The following SNX29 variants were observed in gnomAD, a reference collection of about 807,000 sequenced individuals.
SNX29 encodes the protein sorting nexin-29.
Under a neutral mutation model 102.1 loss-of-function variants are expected in SNX29, and 78 were observed. That is an observed-to-expected ratio of 0.76 (90% confidence interval 0.64 to 0.92). The LOEUF is 0.92. Ranked by LOEUF, SNX29 falls within the 40% of genes least tolerant of loss-of-function variation. SNX29 has a pLI of 0.00. For missense variants in SNX29, 1,280 were observed against 1,061.7 expected, an observed-to-expected ratio of 1.21 and a Z score of -2.86; for synonymous variants, 580 against 414.5, an observed-to-expected ratio of 1.40 and a Z score of -4.85.
chr16:12,464,400 G>C (rs1312653350), intron 18 of SNX29, among the ~76,000 whole-genome samples: 3 of 152,074 alleles, frequency 2.0e-5, no homozygotes, highest in African/African-American at 7.2e-5. Context: ...GGTCCACATA[G>C]CTCTTGAGGG....
chr16:12,308,902 C>T (rs994768461), intron 15 of SNX29, among the ~76,000 whole-genome samples: 1 of 152,146 alleles, frequency 6.6e-6, no homozygotes, highest in East Asian at 1.9e-4. Flanking sequence ...ACTCTTAAGC[C>T]TGTTGCATGT....
chr16:12,566,665 A>G (rs182649529), intron 20 of SNX29, among the ~76,000 whole-genome samples: 84 of 150,212 alleles, frequency 5.6e-4, no homozygotes, highest in African/African-American at 2.0e-3. Flanking sequence ...TCCTCTAAGG[A>G]GCATTCAGGG....
chr16:12,197,047 C>T (rs995187382), intron 13 of SNX29, among the ~76,000 whole-genome samples: 9 of 152,210 alleles, frequency 5.9e-5, no homozygotes, highest in African/African-American at 2.2e-4. Context: ...AGCTGAGGAT[C>T]GGCCCGACGG....
chr16:12,469,938 G>A lies in SNX29; in HGVS notation c.2038-7781G>A, dbSNP rs113704387. 8.0e-3 allele frequency among the ~76,000 whole-genome samples: 1,213 copies of A among 152,270 alleles called. 21 individuals carry two copies. Among genetic ancestry groups the A allele is most frequent in the African/African-American group, 0.027 (1,136 of 41,538 alleles). ...GGCAGGCTGAGAATCACTTGAACCC[G>A]GGAGGCGGAGGTTGCAGTGAGCTGA... On this transcript the variant is annotated intron_variant, in intron 18 of 20. Coordinates refer to ENST00000566228, the MANE Select transcript of SNX29 (RefSeq NM_032167.5).
chr16:12,195,867 G>A (rs2076759946), intron 13 of SNX29, among the ~76,000 whole-genome samples: 1 of 152,130 alleles, frequency 6.6e-6, no homozygotes, highest in African/African-American at 2.4e-5. Flanking sequence ...CACCAAGTGT[G>A]TGGCAGAGAG....
intron 14 of SNX29, among the ~76,000 whole-genome samples, chr16:12,256,821 T>C (rs2078588001): frequency 6.6e-6 from 1 of 152,200 alleles, no homozygotes; most frequent in South Asian, 2.1e-4. Context: ...CTCTGCTTAG[T>C]TCCACATGCT....
chr16:12,563,723 A>AT (rs1487575180), intron 20 of SNX29, among the ~76,000 whole-genome samples: 8 of 152,196 alleles, frequency 5.3e-5, no homozygotes, highest in Non-Finnish European at 1.0e-4. Flanking sequence ...AAAGCCAGAG[A>AT]TGGCACTGTC....
At chr16:12,060,076 A>G (rs964215431) in intron 8 of SNX29, among the ~76,000 whole-genome samples, 1 of 152,154 alleles carries the variant, frequency 6.6e-6, no homozygotes. Flanking sequence ...GGCTCTCTGC[A>G]TCCATGGACT....
intron 9 of SNX29, among the ~76,000 whole-genome samples, chr16:12,062,742 C>T (rs909572964): frequency 6.6e-6 from 1 of 152,188 alleles, no homozygotes; most frequent in Non-Finnish European, 1.5e-5. Flanking sequence ...ACTAATCACT[C>T]AGGAAGCTGT....
chr16:12,539,224 G>A (rs1014015580), intron 20 of SNX29, among the ~76,000 whole-genome samples: 3 of 152,124 alleles, frequency 2.0e-5, no homozygotes, highest in Non-Finnish European at 2.9e-5. Context: ...TCAAGATATA[G>A]ACCAGTTCCT....
In SNX29 at chr16:12,571,923, G is replaced by A. The variant is rs1383241779; in HGVS notation, c.*3294G>A. 2 of 1,062,078 alleles carry A rather than the reference G, an allele frequency of 1.9e-6. No individual in the cohort carries two copies. Among genetic ancestry groups the A allele is most frequent in the Non-Finnish European group, 2.3e-6 (2 of 877,222 alleles). The allele number at this position is 1,062,078 out of a possible 1,614,324, so 65.8% of individuals were successfully genotyped here. A position where few individuals can be genotyped will look rare whatever the true frequency, so the allele number is the denominator to read the frequency against. On this transcript the variant is annotated 3_prime_UTR_variant, in exon 21 of 21. Transcript: ENST00000566228. Reference sequence around the variant, plus strand: ...CTGCATTTCTCTACTGGCAGGCCCTGGTGAAGGAAGACACTTTCAGGGAAG... The same window carrying A: ...CTGCATTTCTCTACTGGCAGGCCCTAGTGAAGGAAGACACTTTCAGGGAAG...
At chr16:12,498,737 G>C (rs2088955559) in intron 19 of SNX29, among the ~76,000 whole-genome samples, 1 of 152,166 alleles carries the variant, frequency 6.6e-6, no homozygotes, top group Admixed American at 6.5e-5. Context: ...CTCTAAGTCA[G>C]GTCATAGGAG....
chr16:12,374,763 C>T (rs2082813080), intron 16 of SNX29: 1 of 152,166 alleles, frequency 6.6e-6, no homozygotes, highest in Non-Finnish European at 1.5e-5. Flanking sequence ...CCCAGATCAG[C>T]TGCAGGAGAA....
At chr16:12,202,489 G>T (rs2076937011) in intron 14 of SNX29, among the ~76,000 whole-genome samples, 1 of 152,172 alleles carries the variant, frequency 6.6e-6, no homozygotes, top group African/African-American at 2.4e-5. Context: ...AATTCTTCAT[G>T]CTCTTCCTCC....
chr16:12,546,139 C>G (rs563341941), intron 20 of SNX29: 3 of 152,310 alleles, frequency 2.0e-5, no homozygotes, highest in Admixed American at 2.0e-4. Flanking sequence ...CAAAACAGAG[C>G]TAATAACCTC....
At position 12,018,506 on chromosome 16, in the gene SNX29, C is replaced by T. The variant is rs372383375; in HGVS notation, c.123-8814C>T. On this transcript the variant is annotated intron_variant, in intron 3 of 20. Transcript: ENST00000566228. Reference sequence around the variant, plus strand: ...GCTGAAGCAGGAGAATCACTTGAACCTGGGAGGCGCAGGTTGCAGTGAGCC... The same window carrying T: ...GCTGAAGCAGGAGAATCACTTGAACTTGGGAGGCGCAGGTTGCAGTGAGCC... Among the ~76,000 whole-genome samples, 28 of 151,134 alleles carry T rather than the reference C, an allele frequency of 1.9e-4. No homozygotes were observed. In the East Asian group the frequency reaches 5.0e-3, roughly 27 times the overall value.
intron 20 of SNX29, chr16:12,557,617 A>T (rs1183333815): frequency 6.6e-6 from 1 of 152,186 alleles, no homozygotes; most frequent in African/African-American, 2.4e-5. Flanking sequence ...TCTCCTTGGC[A>T]TCCCAGAATG....
At chr16:12,007,885 C>G (rs1033219367) in intron 3 of SNX29, among the ~76,000 whole-genome samples, 1 of 152,216 alleles carries the variant, frequency 6.6e-6, no homozygotes, top group Non-Finnish European at 1.5e-5. Context: ...CTCACATGCC[C>G]TGCTCTCTGA....
chr16:12,090,355 G>C (rs1051411382), intron 11 of SNX29: 1 of 152,218 alleles, frequency 6.6e-6, no homozygotes, highest in African/African-American at 2.4e-5. Flanking sequence ...TAGTTCTTCC[G>C]GGTTAGGACT....
Sources: gnomAD v4.1 joint callset for allele counts (sites outside exome capture counted in the v4.1 genomes callset) on GRCh38, gnomAD v4.1.1 for gene constraint, MANE v1.5 for transcripts, NCBI Gene and HGNC (gene_info 2026-07-23, HGNC 2026-07-21) for gene names.